Variants in CADM2 observed in about 807,000 individuals in gnomAD.
CADM2 encodes the protein immunoglobulin superfamily member 4D.
In CADM2, 12 loss-of-function variants were observed where a neutral mutation model predicts 49.8. The ratio of observed to expected loss-of-function variants is 0.24; its 90% CI spans 0.15 to 0.39. The LOEUF (loss-of-function observed/expected upper bound fraction) is 0.39. CADM2 is among the 10% of genes least tolerant of loss of function. The probability of loss-of-function intolerance (pLI) is 1.00; values close to 1 mark genes in which losing one functional copy is unlikely to be tolerated. For synonymous variants in CADM2, 214 were observed against 175.4 expected, an observed-to-expected ratio of 1.22 and a Z score of -1.74; for missense variants, 378 against 492.3, an observed-to-expected ratio of 0.77 and a Z score of 2.20.
chr3:86,004,217 T>A (rs1730512394), intron 8 of CADM2, among the ~76,000 whole-genome samples: 1 of 152,128 alleles, frequency 6.6e-6, no homozygotes, highest in Non-Finnish European at 1.5e-5. Context: ...TAAATAACAT[T>A]CCAGTTACAA....
At chr3:85,827,993 T>C (rs899780068) in intron 3 of CADM2, 1 of 151,940 alleles carries the variant, frequency 6.6e-6, no homozygotes, top group Non-Finnish European at 1.5e-5. Context: ...GAAGTACACA[T>C]TGGTTACCTC....
intron 6 of CADM2, among the ~76,000 whole-genome samples, chr3:85,919,068 TTG>T (rs1718759797): frequency 6.6e-6 from 1 of 152,036 alleles, no homozygotes; most frequent in Non-Finnish European, 1.5e-5. Flanking sequence ...TGTCAGACTA[TTG>T]TGTGTTTTTC....
At chr3:86,061,995 G>C (rs1025438543) in intron 8 of CADM2, among the ~76,000 whole-genome samples, 3 of 149,600 alleles carry the variant, frequency 2.0e-5, no homozygotes, top group African/African-American at 4.9e-5. Flanking sequence ...GTGGGGGGGG[G>C]GTTGAATTTG....
chr3:85,531,771 A>G (rs1247446910), intron 1 of CADM2, among the ~76,000 whole-genome samples: 1 of 152,260 alleles, frequency 6.6e-6, no homozygotes, highest in Non-Finnish European at 1.5e-5. Flanking sequence ...AAAATAAAAA[A>G]GTATATGAAA....
At chr3:85,333,710 A>G (rs2045000617) in intron 1 of CADM2, among the ~76,000 whole-genome samples, 1 of 151,860 alleles carries the variant, frequency 6.6e-6, no homozygotes, top group Admixed American at 6.6e-5. Flanking sequence ...CCAGATTAGA[A>G]GCTCAAATTC....
intron 3 of CADM2, among the ~76,000 whole-genome samples, chr3:85,814,323 T>C (rs1224592135): frequency 6.6e-6 from 1 of 152,148 alleles, no homozygotes; most frequent in Admixed American, 6.6e-5. Context: ...GGGAGTTCAC[T>C]CATGATTTGG....
At chr3:85,979,905 T>A (rs985014771) in intron 8 of CADM2, among the ~76,000 whole-genome samples, 1 of 151,558 alleles carries the variant, frequency 6.6e-6, no homozygotes, top group Non-Finnish European at 1.5e-5. Context: ...TCTGATATCA[T>A]TATACAAATA....
chr3:85,632,238 C>T (rs1015393365), intron 1 of CADM2, among the ~76,000 whole-genome samples: 8 of 152,096 alleles, frequency 5.3e-5, no homozygotes, highest in Non-Finnish European at 1.0e-4. Flanking sequence ...TCTTTGCCTG[C>T]TGTCATTCAC....
chr3:85,036,857 A>C (rs2035234125), intron 1 of CADM2, among the ~76,000 whole-genome samples: 1 of 152,046 alleles, frequency 6.6e-6, no homozygotes. Flanking sequence ...GATTGCTATT[A>C]AGATATGATT....
At chr3:85,228,006 T>C (rs1042504328) in intron 1 of CADM2, among the ~76,000 whole-genome samples, 6 of 151,950 alleles carry the variant, frequency 3.9e-5, no homozygotes, top group Non-Finnish European at 8.8e-5. Flanking sequence ...GTTGTTCTTA[T>C]GGGCTTCCCT....
chr3:85,112,221 T>G (rs12496274), intron 1 of CADM2, among the ~76,000 whole-genome samples: 15,843 of 151,832 alleles, frequency 0.1, 1,740 homozygotes, highest in African/African-American at 0.28. Context: ...ATCCTTCTCA[T>G]CAGCATTCCA....
intron 1 of CADM2, among the ~76,000 whole-genome samples, chr3:85,380,474 A>T (rs999731204): frequency 1.3e-5 from 2 of 151,986 alleles, no homozygotes; most frequent in Non-Finnish European, 2.9e-5. Flanking sequence ...CTATTAAGAT[A>T]TGCATATGTA....
intron 3 of CADM2, among the ~76,000 whole-genome samples, chr3:85,832,335 A>G (rs75299863): frequency 0.02 from 3,104 of 151,902 alleles, 157 homozygotes; most frequent in East Asian, 0.17. Flanking sequence ...TCAGGGTAGT[A>G]TATCCAGTTC....
At chr3:85,384,575 A>G (rs2034105973) in intron 1 of CADM2, among the ~76,000 whole-genome samples, 1 of 151,948 alleles carries the variant, frequency 6.6e-6, no homozygotes, top group South Asian at 2.1e-4. Flanking sequence ...CAGCCTCCCA[A>G]ACTGCTGTGT....
At chr3:86,012,628 G>A (rs1731681326) in intron 8 of CADM2, 6 of 1,575,082 alleles carry the variant, frequency 3.8e-6, no homozygotes, top group Non-Finnish European at 5.2e-6. Context: ...CCTTCTTCAG[G>A]TTCCCGCGGG....
At chr3:85,801,327 T>C (rs553260776) in intron 2 of CADM2, among the ~76,000 whole-genome samples, 4 of 152,282 alleles carry the variant, frequency 2.6e-5, no homozygotes, top group African/African-American at 7.2e-5. Flanking sequence ...TTTAAAAATA[T>C]GTATTTTTCT....
intron 1 of CADM2, among the ~76,000 whole-genome samples, chr3:85,320,284 C>A (rs1015815121): frequency 2.6e-5 from 4 of 152,128 alleles, no homozygotes; most frequent in African/African-American, 4.8e-5. Context: ...TGCTCTAGAA[C>A]GTTTAAAGCA....
At chr3:85,514,928 T>C (rs538070285) in intron 1 of CADM2, among the ~76,000 whole-genome samples, 1 of 152,322 alleles carries the variant, frequency 6.6e-6, no homozygotes, top group East Asian at 1.9e-4. Flanking sequence ...TATTACCCTA[T>C]TCTATTAATC....
chr3:85,380,470 A>T (rs902548892), intron 1 of CADM2, among the ~76,000 whole-genome samples: 1 of 151,982 alleles, frequency 6.6e-6, no homozygotes, highest in Non-Finnish European at 1.5e-5. Flanking sequence ...GAAGCTATTA[A>T]GATATGCATA....
Sources: gnomAD v4.1 joint callset for allele counts (sites outside exome capture counted in the v4.1 genomes callset) on GRCh38, gnomAD v4.1.1 for gene constraint, MANE v1.5 for transcripts, NCBI Gene and HGNC (gene_info 2026-07-23, HGNC 2026-07-21) for gene names.